CHAT: variants seen among roughly 807,000 people sequenced by gnomAD.
CHAT encodes choline O-acetyltransferase, also known as acetyl CoA:choline O-acetyltransferase.
Under a neutral mutation model 76.9 loss-of-function variants are expected in CHAT, and 61 were observed. The ratio of observed to expected loss-of-function variants is 0.79; its 90% CI spans 0.65 to 0.98. CHAT has a LOEUF of 0.98. Ranked by LOEUF, CHAT falls within the 50% of genes least tolerant of loss-of-function variation. CHAT has a pLI of 0.00. For missense variants in CHAT, 946 were observed against 986.9 expected, an observed-to-expected ratio of 0.96 and a Z score of 0.56; for synonymous variants, 407 against 397.4, an observed-to-expected ratio of 1.02 and a Z score of -0.29.
intron 6 of CHAT, 108 bp downstream of exon 6, chr10:49,625,761 C>A: frequency 1.7e-6 from 2 of 1,205,640 alleles, no homozygotes; most frequent in Non-Finnish European, 1.2e-6. Context: ...CTGAGTCACA[C>A]AGGGAGCTGG....
At chr10:49,647,999 G>A (rs1280006163) in intron 8 of CHAT, 8 of 195,702 alleles carry the variant, frequency 4.1e-5, no homozygotes, top group Non-Finnish European at 7.2e-5. Flanking sequence ...TCTCAGGATA[G>A]CAAGGCAGGG....
At chr10:49,625,345 A>G in intron 5 of CHAT, 128 bp from the exon 6 acceptor site, 2 of 820,166 alleles carry the variant, frequency 2.4e-6, no homozygotes, top group Non-Finnish European at 4.1e-6. Context: ...TGCATCTGCC[A>G]TGATGATGCA....
At chr10:49,610,517 C>G (rs1171795833), upstream of CHAT, 4 of 449,532 alleles carry the variant, frequency 8.9e-6, no homozygotes, top group African/African-American at 2.0e-5. Flanking sequence ...AGCCCAGCAG[C>G]CGCGGGTCCC....
At chr10:49,663,570 G>C (rs1840264877) in intron 14 of CHAT, among the ~76,000 whole-genome samples, 1 of 152,198 alleles carries the variant, frequency 6.6e-6, no homozygotes, top group African/African-American at 2.4e-5. Flanking sequence ...TCTAACCAGT[G>C]CCTCAGCGTG....
At chr10:49,609,619 C>A (rs183262975), upstream of CHAT, among the ~76,000 whole-genome samples, 4 of 152,302 alleles carry the variant, frequency 2.6e-5, no homozygotes, top group African/African-American at 7.2e-5. Flanking sequence ...AACTTCTGCC[C>A]TCAGTCCCCA....
Position 49,664,852 on chromosome 10 carries a change from C to T in CHAT, c.2053C>T (p.Gln685Ter), listed in dbSNP as rs1453585801. 1 of 1,614,224 alleles carries T rather than the reference C, an allele frequency of 6.2e-7. No homozygotes were observed. Among genetic ancestry groups the T allele is most frequent in the Non-Finnish European group, 8.5e-7 (1 of 1,180,032 alleles). The change falls in exon 15 of 15, where the codon CAG (glutamine) becomes TAG (stop). Residue 685 changes from glutamine to a stop codon, truncating the protein, a stop_gained. Transcript: ENST00000337653. LOFTEE classifies it low-confidence loss of function (END_TRUNC). ...TGGGTATGGTGCCTGCTACAACCCC[C>T]AGCCAGAGACCATCCTTTTCTGCAT... The part of the protein sequence containing the change: ...PNGYGACYNP[Q>*]PETILFCISS...
At position 49,614,348 on chromosome 10, in the gene CHAT, G is replaced by T. The variant is rs1215615318; in HGVS notation, c.159G>T (p.Gly53=). The change falls in exon 1 of 15, where the codon GGG becomes GGT. Residue 53 remains glycine (G), a synonymous_variant. Transcript: ENST00000337653. ...CGGGCGACGTCGGAGGCCCTGCCGG[G>T]AACCCAGGCTGCAGCCCCCACCCCC... ...GDPGDVGGPA[G]NPGCSPHPRA... 6 of 1,546,386 alleles carry T rather than the reference G, an allele frequency of 3.9e-6. No homozygotes were observed. In the South Asian group the frequency reaches 7.2e-5, roughly 18 times the overall value.
chr10:49,637,094 CCTTT>C (rs1268690926), intron 7 of CHAT, among the ~76,000 whole-genome samples: 2 of 151,144 alleles, frequency 1.3e-5, no homozygotes, highest in Admixed American at 6.6e-5. Flanking sequence ...AAAATAACTA[CCTTT>C]CTTTTTGTTG....
intron 10 of CHAT, among the ~76,000 whole-genome samples, chr10:49,650,039 T>C (rs78489169): frequency 6.6e-4 from 100 of 152,224 alleles, no homozygotes; most frequent in Admixed American, 1.3e-3. Context: ...CAAAGGGGCC[T>C]TTTTCCCCAA....
At chr10:49,650,649 G>A (rs1339753427) in intron 10 of CHAT, among the ~76,000 whole-genome samples, 2 of 152,154 alleles carry the variant, frequency 1.3e-5, no homozygotes, top group African/African-American at 2.4e-5. Flanking sequence ...TCCTGTTATG[G>A]GCCTAGAGCC....
intron 7 of CHAT, among the ~76,000 whole-genome samples, chr10:49,644,433 G>C (rs1177682156): frequency 3.3e-5 from 5 of 152,180 alleles, no homozygotes; most frequent in Admixed American, 3.3e-4. Context: ...AGGAAGGGGA[G>C]TTTCCCCAGG....
chr10:49,629,638 G>A (rs1458842623), intron 7 of CHAT, among the ~76,000 whole-genome samples: 2 of 152,254 alleles, frequency 1.3e-5, no homozygotes, highest in Non-Finnish European at 2.9e-5. Context: ...CACTTGGGCT[G>A]CAGATCAGAA....
rs1276420444 is a variant in CHAT, at chr10:49,662,728, G to A, written c.1923G>A (p.Met641Ile). 1.2e-6 allele frequency: 2 copies of A among 1,614,230 alleles called. No homozygotes were observed. The highest frequency in any genetic ancestry group is 2.2e-5 in the South Asian group (2 of 91,086). ...CCATGTGCAAGGAGCTGCCCGAGAT[G>A]TTCATGGATGAAACCTACCTGATGA... The part of the protein sequence containing the change: ...ARAMCKELPE[M>I]FMDETYLMSN... Residue 641 changes from methionine to isoleucine, a missense_variant, in exon 14 of 15, where the codon ATG becomes ATA. Coordinates refer to ENST00000337653, the MANE Select transcript of CHAT (RefSeq NM_020549.5).
chr10:49,615,156 T>TG (rs1247326719), intron 1 of CHAT, among the ~76,000 whole-genome samples: 35 of 24,148 alleles, frequency 1.4e-3, no homozygotes, highest in African/African-American at 4.9e-3. Context: ...GTCTCCCGAA[T>TG]GGGGGGGAGG....
At chr10:49,611,682 G>A (rs374372621), upstream of CHAT, 5 of 1,610,642 alleles carry the variant, frequency 3.1e-6, no homozygotes, top group African/African-American at 1.3e-5. Context: ...CCATTGCCAC[G>A]TGGATGAAGC....
At chr10:49,612,237 G>A, upstream of CHAT, 1 of 1,609,666 alleles carries the variant, frequency 6.2e-7, no homozygotes, top group Non-Finnish European at 8.5e-7. Flanking sequence ...CGGTGCGCCT[G>A]CGTGAGCGTC....
upstream of CHAT, chr10:49,610,759 G>A (rs764724858): frequency 2.6e-6 from 4 of 1,537,458 alleles, no homozygotes; most frequent in Non-Finnish European, 3.5e-6. Context: ...CGCGGAACCT[G>A]CGGGCCAGGC....
At chr10:49,629,420 C>T (rs1029611420) in intron 7 of CHAT, among the ~76,000 whole-genome samples, 8 of 152,236 alleles carry the variant, frequency 5.3e-5, no homozygotes, top group Admixed American at 3.9e-4. Flanking sequence ...GACCTAACCT[C>T]GTGCTGGAGA....
chr10:49,620,149 G>A lies in CHAT; in HGVS notation c.579+233G>A, dbSNP rs187583865. On this transcript the variant is annotated intron_variant, in intron 3 of 14. Transcript: ENST00000337653. ...GGGAAATACGGATAGAGAAAGAGGC[G>A]GACAAATCGGGGACAGGAATTGGGA... 3.2e-4 allele frequency among the ~76,000 whole-genome samples: 48 copies of A among 151,988 alleles called. 1 individual carries two copies. Among genetic ancestry groups the A allele is most frequent in the Non-Finnish European group, 3.7e-4 (25 of 67,978 alleles).
Sources: allele counts gnomAD v4.1 joint callset (sites outside exome capture counted in the v4.1 genomes callset), GRCh38; gene constraint gnomAD v4.1.1; transcripts MANE v1.5; gene names NCBI Gene and HGNC (gene_info 2026-07-23, HGNC 2026-07-21).